Variants in PUS10 observed in about 807,000 individuals in gnomAD.
The protein encoded by PUS10 is pseudouridine synthase 10.
In PUS10, 59 loss-of-function variants were observed where a neutral mutation model predicts 75.0. The observed-to-expected ratio is 0.79, with a 90% CI of 0.64 to 0.98. The LOEUF (loss-of-function observed/expected upper bound fraction) is 0.98, where lower values mean the gene tolerates loss of function less well. Among genes scored for constraint, PUS10 ranks in the 50% least tolerant of loss-of-function variants. The probability of loss-of-function intolerance (pLI) is 0.00; values close to 1 mark genes in which losing one functional copy is unlikely to be tolerated. For missense variants in PUS10, 650 were observed against 614.4 expected, an observed-to-expected ratio of 1.06 and a Z score of -0.61; for synonymous variants, 219 against 211.6, an observed-to-expected ratio of 1.03 and a Z score of -0.30.
intron 4 of PUS10, among the ~76,000 whole-genome samples, chr2:60,989,946 C>G (rs1248918389): frequency 2.0e-5 from 3 of 152,048 alleles, no homozygotes; most frequent in African/African-American, 7.2e-5. Flanking sequence ...TTATTCTGTA[C>G]TCTTCAATAT....
chr2:60,997,505 G>A (rs556652056), intron 4 of PUS10, among the ~76,000 whole-genome samples: 1 of 151,786 alleles, frequency 6.6e-6, no homozygotes, highest in South Asian at 2.1e-4. Flanking sequence ...AGCTACTCGG[G>A]AGGCTGAGGC....
intron 4 of PUS10, among the ~76,000 whole-genome samples, chr2:60,978,705 T>G (rs138859673): frequency 2.0e-5 from 3 of 152,180 alleles, no homozygotes; most frequent in Admixed American, 2.0e-4. Context: ...CATGATCATA[T>G]TTGTCTTCAG....
At chr2:60,964,998 T>C (rs1676246360) in intron 8 of PUS10, 60 bp downstream of exon 8, 3 of 1,445,708 alleles carry the variant, frequency 2.1e-6, no homozygotes, top group Non-Finnish European at 2.9e-6. Flanking sequence ...TTGTTGGAAA[T>C]TTGAATATTC....
chr2:60,954,842 G>C (rs1008437998), intron 12 of PUS10, among the ~76,000 whole-genome samples, 176 bp downstream of exon 12: 3 of 152,168 alleles, frequency 2.0e-5, no homozygotes, highest in Non-Finnish European at 2.9e-5. Flanking sequence ...TCCTGTTAAG[G>C]TGTATTTCAT....
intron 4 of PUS10, among the ~76,000 whole-genome samples, chr2:60,980,454 C>T (rs1158438268): frequency 6.6e-6 from 1 of 152,218 alleles, no homozygotes; most frequent in African/African-American, 2.4e-5. Context: ...GAGGATAAGG[C>T]TGACCTGTGA....
At chr2:60,991,695 T>C (rs1441520480) in intron 4 of PUS10, among the ~76,000 whole-genome samples, 1 of 152,202 alleles carries the variant, frequency 6.6e-6, no homozygotes, top group Non-Finnish European at 1.5e-5. Context: ...AAACTGTAAA[T>C]GCATAACTTC....
At chr2:60,974,044 C>T (rs1248765064) in intron 4 of PUS10, among the ~76,000 whole-genome samples, 1 of 151,812 alleles carries the variant, frequency 6.6e-6, no homozygotes, top group Non-Finnish European at 1.5e-5. Flanking sequence ...CAGAGAAGAG[C>T]TACCCTCTCT....
intron 1 of PUS10, among the ~76,000 whole-genome samples, chr2:61,015,759 C>G (rs759253702): frequency 6.6e-6 from 1 of 152,090 alleles, no homozygotes; most frequent in Non-Finnish European, 1.5e-5. Context: ...TACTAGTGAT[C>G]TGGATCCCTT....
chr2:60,955,024 C>G lies in PUS10; in HGVS notation c.1051G>C (p.Gly351Arg), dbSNP rs1675562271. The G allele has an allele frequency of 6.3e-7, 1 of 1,582,730 alleles. No individual in the cohort carries two copies. The highest frequency in any genetic ancestry group is 8.6e-7 in the Non-Finnish European group (1 of 1,162,274). Reference protein sequence around the residue: ...GREDVDVRTLGNGRPFAIELV... With the variant: ...GREDVDVRTLRNGRPFAIELV... ...GATGCTGTTGCAGTCTTACCATTTC[C>G]TAATGTTCTCACATCTACATCTTCT... Residue 351 changes from glycine to arginine, a missense_variant, in exon 12 of 18, where the codon GGA becomes CGA. Gly to Arg is a moderately radical substitution (Grantham distance 125). Coordinates refer to ENST00000316752, the MANE Select transcript of PUS10 (RefSeq NM_144709.4).
At chr2:60,983,133 T>G (rs1364504646) in intron 4 of PUS10, among the ~76,000 whole-genome samples, 2 of 152,022 alleles carry the variant, frequency 1.3e-5, no homozygotes, top group East Asian at 3.9e-4. Context: ...CCTTAAGCAA[T>G]CCTCCTGCCT....
chr2:60,996,616 A>G (rs967399852), intron 4 of PUS10, among the ~76,000 whole-genome samples: 1 of 152,000 alleles, frequency 6.6e-6, no homozygotes. Context: ...AAAACTTAAA[A>G]AGCAACAGCA....
chr2:60,948,583 G>GT (rs150025954), intron 15 of PUS10, among the ~76,000 whole-genome samples: 1,866 of 150,656 alleles, frequency 0.012, 32 homozygotes, highest in African/African-American at 0.041. Context: ...GGTTGTTTTG[G>GT]TTTTTTTTTG....
intron 4 of PUS10, among the ~76,000 whole-genome samples, chr2:60,985,487 A>C (rs567523104): frequency 1.3e-5 from 2 of 152,250 alleles, no homozygotes; most frequent in South Asian, 4.1e-4. Flanking sequence ...CTTTGTGCTA[A>C]AGATGAAATA....
intron 4 of PUS10, among the ~76,000 whole-genome samples, chr2:60,978,754 A>G (rs1261463937): frequency 1.3e-5 from 2 of 152,226 alleles, no homozygotes; most frequent in African/African-American, 4.8e-5. Context: ...TAGAAGAAAA[A>G]GATGGGAATT....
At chr2:61,016,254 C>A (rs1226257862) in intron 1 of PUS10, among the ~76,000 whole-genome samples, 1 of 151,952 alleles carries the variant, frequency 6.6e-6, no homozygotes, top group Non-Finnish European at 1.5e-5. Context: ...AAAATAGACC[C>A]CAAAAAAGAC....
At chr2:60,999,445 T>C (rs765780661) in intron 4 of PUS10, among the ~76,000 whole-genome samples, 37 of 151,940 alleles carry the variant, frequency 2.4e-4, no homozygotes, top group Admixed American at 4.6e-4. Flanking sequence ...GGAAACCTCA[T>C]TGCTACAAAA....
At chr2:60,943,835 G>C (rs1216719253) in intron 17 of PUS10, among the ~76,000 whole-genome samples, 2 of 151,880 alleles carry the variant, frequency 1.3e-5, no homozygotes, top group Non-Finnish European at 2.9e-5. Flanking sequence ...CTCCACAAGT[G>C]ATTCCAGTGG....
intron 17 of PUS10, among the ~76,000 whole-genome samples, chr2:60,942,887 C>G (rs1674701492): frequency 6.6e-6 from 1 of 151,860 alleles, no homozygotes; most frequent in Non-Finnish European, 1.5e-5. Flanking sequence ...AAAATTTAGC[C>G]AAGCATGGTG....
chr2:60,979,365 A>T (rs1677241540), intron 4 of PUS10, among the ~76,000 whole-genome samples: 1 of 152,110 alleles, frequency 6.6e-6, no homozygotes, highest in Non-Finnish European at 1.5e-5. Context: ...CCTGTGCCTC[A>T]CCGTGTGTCA....
Sources: gnomAD v4.1 joint callset for allele counts (sites outside exome capture counted in the v4.1 genomes callset) on GRCh38, gnomAD v4.1.1 for gene constraint, MANE v1.5 for transcripts, NCBI Gene and HGNC (gene_info 2026-07-23, HGNC 2026-07-21) for gene names.